FBXO25: variants seen among roughly 807,000 people sequenced by gnomAD.
FBXO25 encodes the protein F-box only protein 25.
FBXO25 carries 45 observed loss-of-function variants against 51.9 expected under a neutral mutation model. The observed-to-expected ratio is 0.87, with a 90% CI of 0.68 to 1.11. The LOEUF (loss-of-function observed/expected upper bound fraction) is 1.11. Ranked by LOEUF, FBXO25 falls within the 50% of genes most tolerant of loss-of-function variation. FBXO25 has a pLI of 0.00. For synonymous variants in FBXO25, 199 were observed against 151.0 expected, an observed-to-expected ratio of 1.32 and a Z score of -2.33; for missense variants, 507 against 428.5, an observed-to-expected ratio of 1.18 and a Z score of -1.62.
chr8:463,343 C>T (rs981029720), intron 9 of FBXO25, among the ~76,000 whole-genome samples, 193 bp downstream of exon 9: 2 of 152,258 alleles, frequency 1.3e-5, no homozygotes, highest in Non-Finnish European at 2.9e-5. Context: ...ACCAGAAACG[C>T]TGAAAACCAA....
At chr8:417,143 A>G (rs1408398873) in intron 2 of FBXO25, among the ~76,000 whole-genome samples, 2 of 152,226 alleles carry the variant, frequency 1.3e-5, no homozygotes, top group Admixed American at 6.5e-5. Context: ...AAGCGGGGCC[A>G]GTAGGAGACA....
intron 2 of FBXO25, among the ~76,000 whole-genome samples, chr8:421,393 G>A (rs950574938): frequency 6.6e-6 from 1 of 152,214 alleles, no homozygotes; most frequent in Non-Finnish European, 1.5e-5. Flanking sequence ...TGACTTATCA[G>A]TAACTTTGGA....
chr8:432,862 A>T, intron 3 of FBXO25, 24 bp from the exon 4 acceptor site: 1 of 1,529,226 alleles, frequency 6.5e-7, no homozygotes, highest in Non-Finnish European at 8.7e-7. Flanking sequence ...CAGATTTTAA[A>T]AACAAAGGTA....
At position 472,575 on chromosome 8, in the gene FBXO25, G is replaced by A. The variant is rs2116888557; in HGVS notation, c.*3771G>A. ...TTTTGGTGTCCATCTCATAGGATAA[G>A]CTTAGAAAGTGTTCCCTCTTCTGTG... On this transcript the variant is annotated 3_prime_UTR_variant, in exon 10 of 10. Transcript: ENST00000350302. The A allele has an allele frequency of 7.5e-6, 1 of 133,682 alleles. No homozygotes were observed. The highest frequency in any genetic ancestry group is 8.7e-5 in the Admixed American group (1 of 11,542). 8.3% of individuals were successfully genotyped at this position (133,682 alleles called of 1,614,324 possible). A position where few individuals can be genotyped will look rare whatever the true frequency, so the allele number is the denominator to read the frequency against.
chr8:477,125 C>G lies in FBXO25; in HGVS notation c.*8321C>G, dbSNP rs1455539102. 2 of 152,194 alleles carry G rather than the reference C, an allele frequency of 1.3e-5. No homozygotes were observed. The highest frequency in any genetic ancestry group is 4.8e-5 in the African/African-American group (2 of 41,434). The allele number at this position is 152,194 out of a possible 1,614,324, so 9.4% of individuals were successfully genotyped here. A position where few individuals can be genotyped will look rare whatever the true frequency, so the allele number is the denominator to read the frequency against. On this transcript the variant is annotated 3_prime_UTR_variant, in exon 10 of 10. Coordinates refer to ENST00000350302, the MANE Select transcript of FBXO25 (RefSeq NM_183420.2). ...TTTGTCTGTTACTGATTTCTAGTTT[C>G]ATCCCACTGTGGCCAGAAAAGATAT...
Position 455,487 on chromosome 8 carries a change from G to A in FBXO25, c.661-2882G>A, listed in dbSNP as rs192869712. 1.5e-3 allele frequency among the ~76,000 whole-genome samples: 231 copies of A among 152,344 alleles called. 1 individual carries two copies. The highest frequency in any genetic ancestry group is 3.7e-3 in the Admixed American group (56 of 15,306). On this transcript the variant is annotated intron_variant, in intron 7 of 9. Coordinates refer to ENST00000350302, the MANE Select transcript of FBXO25 (RefSeq NM_183420.2). The stretch of plus-strand genomic sequence containing the variant: ...GATGGGCCTCCCATGGAGAAGGGCA[G>A]AGCAGTTGGGAACACGGACTTGGGG...
At chr8:467,585 TTTAG>T in intron 9 of FBXO25, 1 of 892,254 alleles carries the variant, frequency 1.1e-6, no homozygotes, top group Middle Eastern at 2.2e-4. Flanking sequence ...ACCTGATGTT[TTTAG>T]TTATTTTCGT....
intron 9 of FBXO25, among the ~76,000 whole-genome samples, chr8:465,368 AG>A (rs1379922288): frequency 1.3e-5 from 2 of 152,194 alleles, no homozygotes; most frequent in African/African-American, 4.8e-5. Flanking sequence ...TCTCCTGAGC[AG>A]ATTGTTTTGT....
In FBXO25 at chr8:467,693, C is replaced by G. The variant is rs1441071286; in HGVS notation, c.988-1022C>G. 3 of 1,613,680 alleles carry G rather than the reference C, an allele frequency of 1.9e-6. No homozygotes were observed. The South Asian group carries it at 3.3e-5, about 18-fold the overall frequency. On this transcript the variant is annotated intron_variant, in intron 9 of 9. Transcript: ENST00000350302. ...TTTCCCTCCCTTCACTGCATTCCTT[C>G]CTGATTCTTTCTTCATGATCTCGAA...
chr8:452,243 T>C (rs1200067762), intron 7 of FBXO25, among the ~76,000 whole-genome samples: 1 of 152,242 alleles, frequency 6.6e-6, no homozygotes, highest in Non-Finnish European at 1.5e-5. Flanking sequence ...AGAGTGATGA[T>C]TGCCTAGTTA....
intron 2 of FBXO25, among the ~76,000 whole-genome samples, chr8:413,780 A>G (rs1270253433): frequency 6.6e-6 from 1 of 152,220 alleles, no homozygotes; most frequent in African/African-American, 2.4e-5. Context: ...GCACAGCCCA[A>G]AAGTTACATG....
intron 1 of FBXO25, among the ~76,000 whole-genome samples, chr8:412,020 A>G (rs1796508698): frequency 6.6e-6 from 1 of 152,242 alleles, no homozygotes; most frequent in Admixed American, 6.5e-5. Flanking sequence ...GCAGTAGTTG[A>G]AAACCACTGA....
intron 5 of FBXO25, among the ~76,000 whole-genome samples, chr8:448,037 G>A (rs1798847742): frequency 6.6e-6 from 1 of 152,110 alleles, no homozygotes; most frequent in South Asian, 2.1e-4. Flanking sequence ...GAAATAATAC[G>A]AATGAGAAAA....
intron 2 of FBXO25, among the ~76,000 whole-genome samples, chr8:428,450 G>T (rs534909263): frequency 7.4e-6 from 1 of 134,964 alleles, no homozygotes; most frequent in Admixed American, 8.4e-5. Flanking sequence ...CCCATCCCTC[G>T]GACATGCACC....
chr8:423,694 T>G (rs1217915415), intron 2 of FBXO25, among the ~76,000 whole-genome samples: 1 of 152,240 alleles, frequency 6.6e-6, no homozygotes, highest in Non-Finnish European at 1.5e-5. Flanking sequence ...AGTCTACCAT[T>G]GATGGGCACC....
rs1170985342 is a variant in FBXO25, at chr8:473,767, TGAG to T, written c.*4966_*4968del. The T allele has an allele frequency of 4.6e-5, 7 of 152,064 alleles. No individual in the cohort carries two copies. The highest frequency in any genetic ancestry group is 1.7e-4 in the African/African-American group (7 of 41,408). The allele number at this position is 152,064 out of a possible 1,614,324, so 9.4% of individuals were successfully genotyped here. A position where few individuals can be genotyped will look rare whatever the true frequency, so the allele number is the denominator to read the frequency against. Reference sequence around the variant, plus strand: ...CCTAAGTAAGGGAGAGCAAAAAAAATGAGGACATCTGTGTCAAATAGAAGAGAC... The same window carrying T: ...CCTAAGTAAGGGAGAGCAAAAAAAATGACATCTGTGTCAAATAGAAGAGAC... On this transcript the variant is annotated 3_prime_UTR_variant, in exon 10 of 10. Transcript: ENST00000350302.
At chr8:428,607 C>A (rs536658290) in intron 2 of FBXO25, among the ~76,000 whole-genome samples, 1 of 152,288 alleles carries the variant, frequency 6.6e-6, no homozygotes, top group Admixed American at 6.5e-5. Context: ...TAAGTACATT[C>A]ACACTATTGT....
rs1466020039 is a variant in FBXO25, at chr8:475,566, ATTTAT to A, written c.*6765_*6769del. ...ATCCATAAACACGGGATTGCTTTCT[ATTTAT>A]TTGTGTTGACCTTACTTTCTTTAAG... On this transcript the variant is annotated 3_prime_UTR_variant, in exon 10 of 10. Coordinates refer to ENST00000350302, the MANE Select transcript of FBXO25 (RefSeq NM_183420.2). 1 of 152,042 alleles carries A rather than the reference ATTTAT, an allele frequency of 6.6e-6. No homozygotes were observed. Among genetic ancestry groups the A allele is most frequent in the Non-Finnish European group, 1.5e-5 (1 of 68,008 alleles). The allele number at this position is 152,042 out of a possible 1,614,324, so 9.4% of individuals were successfully genotyped here. A position where few individuals can be genotyped will look rare whatever the true frequency, so the allele number is the denominator to read the frequency against.
At chr8:417,716 C>A (rs1053305598) in intron 2 of FBXO25, among the ~76,000 whole-genome samples, 1 of 152,196 alleles carries the variant, frequency 6.6e-6, no homozygotes, top group South Asian at 2.1e-4. Context: ...ACTTGTATTT[C>A]CTGGAAGTTG....
Sources: allele counts gnomAD v4.1 joint callset (sites outside exome capture counted in the v4.1 genomes callset), GRCh38; gene constraint gnomAD v4.1.1; transcripts MANE v1.5; gene names NCBI Gene and HGNC (gene_info 2026-07-23, HGNC 2026-07-21).